Variants in PPP1R3A observed in about 807,000 individuals in gnomAD.
The protein encoded by PPP1R3A is RG1.
Under a neutral mutation model 41.7 loss-of-function variants are expected in PPP1R3A, and 29 were observed. The ratio of observed to expected loss-of-function variants is 0.70; its 90% CI spans 0.52 to 0.95. The LOEUF (loss-of-function observed/expected upper bound fraction) is 0.95, where lower values mean the gene tolerates loss of function less well. PPP1R3A is among the 40% of genes least tolerant of loss of function. The pLI, the probability that PPP1R3A is intolerant of heterozygous loss-of-function variation, is 0.00. For missense variants in PPP1R3A, 1,352 were observed against 1,292.4 expected (o/e 1.05, Z -0.71); for synonymous variants, 485 against 453.4 (o/e 1.07, Z -0.89).
At chr7:113,912,080 G>C (rs549358845) in intron 1 of PPP1R3A, among the ~76,000 whole-genome samples, 1 of 152,128 alleles carries the variant, frequency 6.6e-6, no homozygotes, top group Non-Finnish European at 1.5e-5. Context: ...AAGCCTCAAG[G>C]TCTTGCCTTA....
chr7:113,880,926 C>T (rs2129113671), intron 3 of PPP1R3A, among the ~76,000 whole-genome samples: 1 of 152,130 alleles, frequency 6.6e-6, no homozygotes, highest in African/African-American at 2.4e-5. Flanking sequence ...CAGCATGGAG[C>T]AAATTAGCAT....
At chr7:113,884,487 T>A (rs1422855500) in intron 1 of PPP1R3A, among the ~76,000 whole-genome samples, 1 of 152,026 alleles carries the variant, frequency 6.6e-6, no homozygotes, top group African/African-American at 2.4e-5. Context: ...AACATTGGTA[T>A]ATGACTAACA....
rs1796574861 is a variant in PPP1R3A, at chr7:113,876,842, T to C, written c.*881A>G. On this transcript the variant is annotated 3_prime_UTR_variant, in exon 4 of 4. Transcript: ENST00000284601. ...AATACAATGTGGAACAAATAGTCCA[T>C]TTGGAATTTTTATTGTCATTTAATG... 1 of 152,142 alleles carries C rather than the reference T, an allele frequency of 6.6e-6. No homozygotes were observed. Among genetic ancestry groups the C allele is most frequent in the South Asian group, 2.1e-4 (1 of 4,832 alleles). 9.4% of individuals were successfully genotyped at this position (152,142 alleles called of 1,614,324 possible).
At chr7:113,911,470 C>T (rs933582163) in intron 1 of PPP1R3A, among the ~76,000 whole-genome samples, 2 of 152,022 alleles carry the variant, frequency 1.3e-5, no homozygotes, top group African/African-American at 4.8e-5. Context: ...ATTATATAAA[C>T]TTCAATTTCA....
rs147075397 is a variant in PPP1R3A, at chr7:113,907,443, C to A, written c.782+10772G>T. On this transcript the variant is annotated intron_variant, in intron 1 of 3. Transcript: ENST00000284601. The stretch of plus-strand genomic sequence containing the variant: ...TAATCCCAGTTTCATCAAGAGTTAC[C>A]TTGAAAAGTCTGAGTTTCAGTTTCT... Among the ~76,000 whole-genome samples, 50 of 151,556 alleles carry A rather than the reference C, an allele frequency of 3.3e-4. 2 individuals carry two copies. The highest frequency in any genetic ancestry group is 3.2e-3 in the Admixed American group (48 of 15,150).
rs1273049879 is a variant in PPP1R3A, at chr7:113,876,780, G to T, written c.*943C>A. On this transcript the variant is annotated 3_prime_UTR_variant, in exon 4 of 4. Transcript: ENST00000284601. The stretch of plus-strand genomic sequence containing the variant: ...GACTGTTTTCTAAATGCATTTTGGG[G>T]GATAATTCATTCTCTTAGAAAATAT... 6.6e-6 allele frequency: 1 copy of T among 152,094 alleles called. No homozygotes were observed. Among genetic ancestry groups the T allele is most frequent in the East Asian group, 1.9e-4 (1 of 5,148 alleles). The allele number at this position is 152,094 out of a possible 1,614,324, so 9.4% of individuals were successfully genotyped here.
chr7:113,898,157 T>C (rs1306613521), intron 1 of PPP1R3A, among the ~76,000 whole-genome samples: 1 of 151,852 alleles, frequency 6.6e-6, no homozygotes, highest in Non-Finnish European at 1.5e-5. Context: ...TATACTGGGC[T>C]AGAAGCTAAA....
chr7:113,877,478 G>C lies in PPP1R3A; in HGVS notation c.*245C>G, dbSNP rs78892085. ...CATAGCCTGCTAAGGAGCAACAGCTGTACCTAATTTCAACTTGACGTGCTT... is the reference window on the plus strand; with the variant it reads ...CATAGCCTGCTAAGGAGCAACAGCTCTACCTAATTTCAACTTGACGTGCTT... On this transcript the variant is annotated 3_prime_UTR_variant, in exon 4 of 4. Coordinates refer to ENST00000284601, the MANE Select transcript of PPP1R3A (RefSeq NM_002711.4). 2.1e-3 allele frequency: 798 copies of C among 378,860 alleles called. 5 individuals are homozygous for C. The highest frequency in any genetic ancestry group is 0.015 in the African/African-American group (704 of 48,008). 23.5% of individuals were successfully genotyped at this position (378,860 alleles called of 1,614,324 possible).
At chr7:113,894,614 T>C (rs1796948687) in intron 1 of PPP1R3A, among the ~76,000 whole-genome samples, 1 of 151,924 alleles carries the variant, frequency 6.6e-6, no homozygotes, top group Non-Finnish European at 1.5e-5. Context: ...AATCAGTGTA[T>C]TGTCATGTGT....
chr7:113,900,570 G>T (rs1043879410), intron 1 of PPP1R3A, among the ~76,000 whole-genome samples: 11 of 149,364 alleles, frequency 7.4e-5, no homozygotes, highest in African/African-American at 2.7e-4. Context: ...CATTATATAT[G>T]TCAATATACA....
At chr7:113,889,334 A>T (rs1211476458) in intron 1 of PPP1R3A, among the ~76,000 whole-genome samples, 3 of 152,192 alleles carry the variant, frequency 2.0e-5, no homozygotes, top group Non-Finnish European at 2.9e-5. Context: ...AGATATCAAG[A>T]AATAAAGAAT....
intron 1 of PPP1R3A, among the ~76,000 whole-genome samples, chr7:113,888,699 A>G (rs1796829869): frequency 6.6e-6 from 1 of 152,154 alleles, no homozygotes; most frequent in African/African-American, 2.4e-5. Flanking sequence ...TCTGGCACAC[A>G]TGTCTAGATG....
At position 113,879,974 on chromosome 7, in the gene PPP1R3A, G is replaced by C. The variant is rs775744974; in HGVS notation, c.1118C>G (p.Ser373Cys). Residue 373 changes from serine to cysteine, a missense_variant, in exon 4 of 4, where the codon TCT (serine) becomes TGT (cysteine). Ser to Cys is a moderately radical substitution (Grantham distance 112). Coordinates refer to ENST00000284601, the MANE Select transcript of PPP1R3A (RefSeq NM_002711.4). Reference protein sequence around the residue: ...GEICTDLFQRSLSPSSSAESS... With the variant: ...GEICTDLFQRCLSPSSSAESS... ...TTCTGCTGATGAACTTGGAGACAGAGACCTTTGGAACAAGTCAGTACATAT... is the reference window on the plus strand; with the variant it reads ...TTCTGCTGATGAACTTGGAGACAGACACCTTTGGAACAAGTCAGTACATAT... The C allele has an allele frequency of 6.2e-7, 1 of 1,613,502 alleles. No individual in the cohort carries two copies. Among genetic ancestry groups the C allele is most frequent in the East Asian group, 2.2e-5 (1 of 44,840 alleles).
At chr7:113,913,506 T>C (rs1352150509) in intron 1 of PPP1R3A, among the ~76,000 whole-genome samples, 1 of 152,156 alleles carries the variant, frequency 6.6e-6, no homozygotes, top group African/African-American at 2.4e-5. Flanking sequence ...AATTTTCTCC[T>C]TTGGCATTAA....
chr7:113,909,348 G>C (rs888941795), intron 1 of PPP1R3A, among the ~76,000 whole-genome samples: 1 of 151,914 alleles, frequency 6.6e-6, no homozygotes, highest in African/African-American at 2.4e-5. Flanking sequence ...TAAATGAAGC[G>C]ATCTTCTGAA....
intron 1 of PPP1R3A, among the ~76,000 whole-genome samples, chr7:113,893,249 G>C (rs1242575100): frequency 6.6e-6 from 1 of 151,818 alleles, no homozygotes; most frequent in African/African-American, 2.4e-5. Flanking sequence ...TCATTTAGAG[G>C]TATTTAATTG....
In PPP1R3A at chr7:113,889,923, G is replaced by C. The variant is rs372945907; in HGVS notation, c.783-7603C>G. 1.3e-4 allele frequency among the ~76,000 whole-genome samples: 20 copies of C among 152,180 alleles called. 1 individual carries two copies. The highest frequency in any genetic ancestry group is 4.8e-4 in the African/African-American group (20 of 41,542). On this transcript the variant is annotated intron_variant, in intron 1 of 3. Transcript: ENST00000284601. The stretch of plus-strand genomic sequence containing the variant: ...AAGTACATAAAGCAACAGCGCCAGG[G>C]TATGATAACTGTGTGCTCCCTGAGG...
chr7:113,907,602 A>T (rs1004565027), intron 1 of PPP1R3A, among the ~76,000 whole-genome samples: 7 of 151,898 alleles, frequency 4.6e-5, no homozygotes, highest in East Asian at 1.9e-4. Context: ...TTGTTTTTTT[A>T]AAATGGTGTA....
chr7:113,888,010 G>A (rs1041634255), intron 1 of PPP1R3A, among the ~76,000 whole-genome samples: 4 of 151,654 alleles, frequency 2.6e-5, no homozygotes, highest in Admixed American at 6.6e-5. Context: ...TCTGGGCGGC[G>A]GAGCAAGACT....
Sources: allele counts gnomAD v4.1 joint callset (sites outside exome capture counted in the v4.1 genomes callset), GRCh38; gene constraint gnomAD v4.1.1; transcripts MANE v1.5; gene names NCBI Gene and HGNC (gene_info 2026-07-23, HGNC 2026-07-21).